SERPINA1: variants seen among roughly 807,000 people sequenced by gnomAD.
The protein encoded by SERPINA1 is alpha-1-antitrypsin.
In SERPINA1, 21 loss-of-function variants were observed where a neutral mutation model predicts 25.4. That is an observed-to-expected ratio of 0.83 (90% confidence interval 0.59 to 1.19). SERPINA1 has a LOEUF of 1.19. Among genes scored for constraint, SERPINA1 ranks in the 50% most tolerant of loss-of-function variants. The pLI, the probability that SERPINA1 is intolerant of heterozygous loss-of-function variation, is 0.00. For synonymous variants in SERPINA1, 218 were observed against 211.1 expected, an observed-to-expected ratio of 1.03 and a Z score of -0.29; for missense variants, 546 against 509.0, an observed-to-expected ratio of 1.07 and a Z score of -0.70.
rs11575873 is a variant in SERPINA1, at chr14:94,383,027, T to G, written c.211A>C (p.Ser71Arg). The change falls in exon 2 of 5, where the codon AGC becomes CGC. Residue 71 changes from serine to arginine, a missense_variant. Ser to Arg is a moderately radical substitution (Grantham distance 110). Transcript: ENST00000393087. ...ACTGGGGAGAAGAAGATATTGGTGC[T>G]GTTGGACTGGTGTGCCAGCTGGCGG... Reference protein sequence around the residue: ...LYRQLAHQSNSTNIFFSPVSI... With the variant: ...LYRQLAHQSNRTNIFFSPVSI... The G allele has an allele frequency of 9.1e-5, 147 of 1,612,358 alleles. No homozygotes were observed. The Middle Eastern group carries it at 2.6e-3, about 29-fold the overall frequency.
intron 1 of SERPINA1, among the ~76,000 whole-genome samples, chr14:94,384,440 C>T (rs540917467): frequency 1.4e-4 from 21 of 152,268 alleles, no homozygotes; most frequent in South Asian, 8.3e-4. Flanking sequence ...GTTTCATACC[C>T]GGGGCTGAGA....
intron 1 of SERPINA1, among the ~76,000 whole-genome samples, chr14:94,387,575 G>C (rs1371955572): frequency 3.3e-5 from 5 of 152,194 alleles, no homozygotes; most frequent in African/African-American, 1.2e-4. Flanking sequence ...AGAGAACAGA[G>C]AGGTTGAGCA....
chr14:94,380,616 C>G, intron 3 of SERPINA1: 1 of 558,914 alleles, frequency 1.8e-6, no homozygotes. Context: ...AGTGTCCACA[C>G]TGGAGTGGGA....
intron 1 of SERPINA1, among the ~76,000 whole-genome samples, chr14:94,385,529 G>A (rs56339332): frequency 0.19 from 29,474 of 152,202 alleles, 3,175 homozygotes; most frequent in South Asian, 0.29. Context: ...AGGTTTCACC[G>A]TGTTGGCCAG....
At chr14:94,389,394 G>A (rs972900021), upstream of SERPINA1, among the ~76,000 whole-genome samples, 1 of 152,328 alleles carries the variant, frequency 6.6e-6, no homozygotes, top group East Asian at 1.9e-4. Flanking sequence ...ACAGCCCTCT[G>A]CTTAGTCTGC....
In SERPINA1 at chr14:94,382,661, T is replaced by C. The variant is rs1363454506; in HGVS notation, c.577A>G (p.Ile193Val). 1.9e-6 allele frequency: 3 copies of C among 1,614,244 alleles called. No homozygotes were observed. Among genetic ancestry groups the C allele is most frequent in the Non-Finnish European group, 1.7e-6 (2 of 1,180,044 alleles). Residue 193 changes from isoleucine (I) to valine (V), a missense_variant, in exon 2 of 5, where the codon ATT (isoleucine) becomes GTT (valine). Ile to Val is a conservative substitution (Grantham distance 29, BLOSUM62 3). Transcript: ENST00000393087. ...DYVEKGTQGK[I>V]VDLVKELDRD... ...TCAAGCTCCTTGACCAAATCCACAA[T>C]TTTCCCTTGAGTACCCTTCTCCACG...
chr14:94,379,529 T>C lies in SERPINA1; in HGVS notation c.1000A>G (p.Lys334Glu), dbSNP rs1444508096. ...AGGTCAGCCCCATTGCTGAAGACCT[T>C]AGTGATGCCCAGTTGACCCAGGACG... ...KSVLGQLGIT[K>E]VFSNGADLSG... The change falls in exon 4 of 5, where the codon AAG becomes GAG. Residue 334 changes from lysine to glutamate, a missense_variant. Transcript: ENST00000393087. 6.2e-7 allele frequency: 1 copy of C among 1,613,768 alleles called. No individual in the cohort carries two copies. Among genetic ancestry groups the C allele is most frequent in the Non-Finnish European group, 8.5e-7 (1 of 1,179,968 alleles).
chr14:94,390,158 G>T (rs571142869), upstream of SERPINA1, among the ~76,000 whole-genome samples: 3 of 152,062 alleles, frequency 2.0e-5, no homozygotes, highest in African/African-American at 7.2e-5. Flanking sequence ...TTCAGGCAGC[G>T]GGAAACTGAG....
intron 3 of SERPINA1, 31 bp from the exon 4 acceptor site, chr14:94,379,642 G>A (rs1451340931): frequency 4.3e-6 from 7 of 1,613,820 alleles, no homozygotes; most frequent in Non-Finnish European, 5.1e-6. Context: ...TCAAGGCATG[G>A]CACAGCATTC....
At chr14:94,378,994 G>A in intron 4 of SERPINA1, 1 of 542,648 alleles carries the variant, frequency 1.8e-6, no homozygotes, top group African/African-American at 1.9e-5. Flanking sequence ...ACAGTGCCCA[G>A]ACCCCAAGAT....
chr14:94,378,482 G>A lies in SERPINA1; in HGVS notation c.1224C>T (p.Phe408=). 1 of 1,614,160 alleles carries A rather than the reference G, an allele frequency of 6.2e-7. No homozygotes were observed. The highest frequency in any genetic ancestry group is 8.5e-7 in the Non-Finnish European group (1 of 1,180,034). Residue 408 remains phenylalanine, a synonymous_variant, in exon 5 of 5, where the codon TTC becomes TTT. Coordinates refer to ENST00000393087, the MANE Select transcript of SERPINA1 (RefSeq NM_000295.5). ...MIEQNTKSPL[F]MGKVVNPTQK The stretch of plus-strand genomic sequence containing the variant: ...GGGTGGGATTCACCACTTTTCCCAT[G>A]AAGAGGGGAGACTTGGTATTTTGTT...
chr14:94,380,245 G>C (rs1896793010), intron 3 of SERPINA1, among the ~76,000 whole-genome samples: 2 of 149,168 alleles, frequency 1.3e-5, no homozygotes, highest in Non-Finnish European at 3.0e-5. Context: ...TGGTTTTACA[G>C]TGTACAAAAC....
chr14:94,384,150 G>A (rs972431205), intron 1 of SERPINA1: 5 of 152,182 alleles, frequency 3.3e-5, no homozygotes, highest in Admixed American at 6.5e-5. Context: ...AGATGGAGGA[G>A]GTGGGAAGTG....
chr14:94,383,786 G>A (rs1232063391), intron 1 of SERPINA1: 3 of 160,542 alleles, frequency 1.9e-5, no homozygotes, highest in African/African-American at 7.2e-5. Flanking sequence ...GCCCTTGGAG[G>A]GCTTCTATCT....
chr14:94,380,826 A>C, intron 3 of SERPINA1, 45 bp downstream of exon 3: 1 of 1,613,840 alleles, frequency 6.2e-7, no homozygotes. Flanking sequence ...AACATGGCTA[A>C]GAGGTGTGGG....
At chr14:94,382,451 G>T in intron 2 of SERPINA1, 141 bp downstream of exon 2, 1 of 915,780 alleles carries the variant, frequency 1.1e-6, no homozygotes, top group Non-Finnish European at 1.7e-6. Context: ...TAGTGTTTGT[G>T]TGTAGAAAAC....
intron 1 of SERPINA1, among the ~76,000 whole-genome samples, chr14:94,385,887 T>C (rs1370333183): frequency 6.6e-6 from 1 of 152,070 alleles, no homozygotes; most frequent in Admixed American, 6.6e-5. Flanking sequence ...CCAGAGAGGG[T>C]CAGGGCCTTG....
At chr14:94,380,494 C>G (rs1467592903) in intron 3 of SERPINA1, among the ~76,000 whole-genome samples, 1 of 152,230 alleles carries the variant, frequency 6.6e-6, no homozygotes, top group Non-Finnish European at 1.5e-5. Flanking sequence ...CCCTTGAACT[C>G]CACACTCCAC....
At chr14:94,383,272 C>T (rs776994208) in intron 1 of SERPINA1, 31 bp from the exon 2 acceptor site, 12 of 1,598,156 alleles carry the variant, frequency 7.5e-6, no homozygotes, top group Admixed American at 5.0e-5. Context: ...GGCCAGGCCC[C>T]GAGTCAAGGC....
Sources: gnomAD v4.1 joint callset for allele counts (sites outside exome capture counted in the v4.1 genomes callset) on GRCh38, gnomAD v4.1.1 for gene constraint, MANE v1.5 for transcripts, NCBI Gene and HGNC (gene_info 2026-07-23, HGNC 2026-07-21) for gene names.